The following ITGA11 variants were observed in gnomAD, a reference collection of about 807,000 sequenced individuals.
ITGA11 encodes integrin alpha-11.
In ITGA11, 97 loss-of-function variants were observed where a neutral mutation model predicts 141.9. The ratio of observed to expected loss-of-function variants is 0.68; its 90% confidence interval spans 0.58 to 0.81. ITGA11 has a LOEUF of 0.81. Ranked by LOEUF, ITGA11 falls within the 30% of genes least tolerant of loss-of-function variation. ITGA11 has a pLI of 0.00. For missense variants in ITGA11, 1,387 were observed against 1,559.2 expected (o/e 0.89, Z 1.86); for synonymous variants, 658 against 624.6 (o/e 1.05, Z -0.80).
At chr15:68,414,038 C>G (rs2140427896) in intron 1 of ITGA11, among the ~76,000 whole-genome samples, 1 of 152,288 alleles carries the variant, frequency 6.6e-6, no homozygotes, top group African/African-American at 2.4e-5. Flanking sequence ...ACCCAGATGT[C>G]AGAAAGACAG....
chr15:68,315,565 G>C, intron 22 of ITGA11, 86 bp downstream of exon 22: 1 of 1,119,936 alleles, frequency 8.9e-7, no homozygotes, highest in South Asian at 1.3e-5. Context: ...AGCGGACTCA[G>C]TGTCGGGAGG....
rs1893159757 is a variant in ITGA11, at chr15:68,305,399, A to C, written c.3382-1514T>G. 6.6e-6 allele frequency among the ~76,000 whole-genome samples: 1 copy of C among 152,080 alleles called. No individual in the cohort carries two copies. The highest frequency in any genetic ancestry group is 1.5e-5 in the Non-Finnish European group (1 of 68,020). ...TCACCAGTTGATAACGTTTATATTT[A>C]TGTTTATTGCCTGCCTGGAATGTCA... On this transcript the variant is annotated intron_variant, in intron 28 of 29. Transcript: ENST00000315757. The surrounding 1 kb of genome is among the most constrained non-coding windows in gnomAD (Gnocchi z 4.6).
At chr15:68,368,644 G>A (rs771253313) in intron 3 of ITGA11, among the ~76,000 whole-genome samples, 22 of 152,196 alleles carry the variant, frequency 1.4e-4, no homozygotes, top group Non-Finnish European at 2.9e-4. Flanking sequence ...TGAACTGGAC[G>A]CCAAGCCCTG....
intron 2 of ITGA11, among the ~76,000 whole-genome samples, chr15:68,395,538 C>T (rs1896211619): frequency 6.7e-6 from 1 of 150,034 alleles, no homozygotes; most frequent in South Asian, 2.2e-4. Context: ...GCATGTGCAG[C>T]TTCAGTAGCT....
chr15:68,320,127 G>C, intron 20 of ITGA11, 58 bp downstream of exon 20: 2 of 1,475,670 alleles, frequency 1.4e-6, no homozygotes, highest in Non-Finnish European at 1.9e-6. Flanking sequence ...AGCCCACCTG[G>C]CCTTCCTTTT....
rs928199117 is a variant in ITGA11 at position 68,299,798 on chromosome 15, A to C, written c.*3261T>G. 4.6e-5 allele frequency: 7 copies of C among 152,216 alleles called. No homozygotes were observed. Among genetic ancestry groups the C allele is most frequent in the African/African-American group, 1.7e-4 (7 of 41,440 alleles). 9.4% of individuals were successfully genotyped at this position (152,216 alleles called of 1,614,324 possible). ...ATTTATCTTGTGAAGACCTCTAGGG[A>C]TGGAAAGGTCCACACTGTCTCCTAG... On this transcript the variant is annotated 3_prime_UTR_variant, in exon 30 of 30. Coordinates refer to ENST00000315757, the MANE Select transcript of ITGA11 (RefSeq NM_001004439.2).
chr15:68,336,021 G>A, intron 11 of ITGA11, 176 bp from the exon 12 acceptor site: 1 of 717,192 alleles, frequency 1.4e-6, no homozygotes, highest in Admixed American at 2.6e-5. Context: ...GGGGAGGCCT[G>A]GAAGAGGCAG....
At chr15:68,352,948 G>C (rs1894960853) in intron 7 of ITGA11, among the ~76,000 whole-genome samples, 1 of 152,158 alleles carries the variant, frequency 6.6e-6, no homozygotes, top group Non-Finnish European at 1.5e-5. Context: ...GTATAGACAT[G>C]GTCTCACCGA....
intron 1 of ITGA11, among the ~76,000 whole-genome samples, chr15:68,412,347 G>A (rs557649852): frequency 2.6e-4 from 39 of 152,288 alleles, no homozygotes; most frequent in Admixed American, 1.6e-3. Flanking sequence ...GGCCTACCCT[G>A]TCAGGGAGAA....
chr15:68,308,186 G>T lies in ITGA11; in HGVS notation c.3175-490C>A, dbSNP rs1352451169. On this transcript the variant is annotated intron_variant, in intron 26 of 29. Transcript: ENST00000315757. This position sits in a 1 kb window ranked among gnomAD's most constrained non-coding sequence, Gnocchi z 5.2. ...ATGCATGGATTCCAAAACTTTTTTT[G>T]CCCCAAAATAAACTCGTATTAACTT... Among the ~76,000 whole-genome samples, 1 of 151,912 alleles carries T rather than the reference G, an allele frequency of 6.6e-6. No homozygotes were observed. The highest frequency in any genetic ancestry group is 1.5e-5 in the Non-Finnish European group (1 of 67,956).
At chr15:68,431,443 C>T (rs1384841746) in intron 1 of ITGA11, among the ~76,000 whole-genome samples, 3 of 152,222 alleles carry the variant, frequency 2.0e-5, no homozygotes, top group Admixed American at 6.5e-5. Context: ...CGAGAGCTAG[C>T]CCCCGCCTAC....
intron 1 of ITGA11, among the ~76,000 whole-genome samples, chr15:68,405,046 C>G (rs374299761): frequency 2.6e-5 from 4 of 152,130 alleles, no homozygotes; most frequent in Admixed American, 6.5e-5. Flanking sequence ...GAGTGCGCCA[C>G]TCTCCTTCCC....
intron 2 of ITGA11, among the ~76,000 whole-genome samples, chr15:68,397,852 C>G (rs1896361353): frequency 7.0e-6 from 1 of 142,762 alleles, no homozygotes; most frequent in South Asian, 2.1e-4. Flanking sequence ...TTTATTATAA[C>G]ATTCTTAAAG....
intron 7 of ITGA11, among the ~76,000 whole-genome samples, chr15:68,354,215 T>G (rs538289386): frequency 3.3e-5 from 5 of 152,240 alleles, no homozygotes; most frequent in African/African-American, 1.2e-4. Context: ...GAATGTCAGC[T>G]CACGATGGCA....
intron 1 of ITGA11, among the ~76,000 whole-genome samples, chr15:68,413,686 C>G (rs752325505): frequency 2.0e-5 from 3 of 152,150 alleles, no homozygotes; most frequent in Non-Finnish European, 4.4e-5. Flanking sequence ...GAAGACCCAC[C>G]ACGGCACATG....
In ITGA11 at chr15:68,307,159, C is replaced by T. The variant is rs959941808; in HGVS notation, c.3381+189G>A. Among the ~76,000 whole-genome samples, 2 of 152,232 alleles carry T rather than the reference C, an allele frequency of 1.3e-5. No homozygotes were observed. Among genetic ancestry groups the T allele is most frequent in the African/African-American group, 4.8e-5 (2 of 41,454 alleles). On this transcript the variant is annotated intron_variant, in intron 28 of 29. Transcript: ENST00000315757. The surrounding 1 kb of genome is among the most constrained non-coding windows in gnomAD (Gnocchi z 6.1). ...GACCTCTGGACCTTCCCTAGTGTTGCCCCTGAGGCTTTGTCTTGCTTTTTT... is the reference window on the plus strand; with the variant it reads ...GACCTCTGGACCTTCCCTAGTGTTGTCCCTGAGGCTTTGTCTTGCTTTTTT...
rs1441649802 is a variant in ITGA11, at chr15:68,350,684, A to G, written c.993T>C (p.Asn331=). ...CCTTCAAGGCAGCCTCATCAGTGAC[A>G]TTGAAGAAGTGCTTGTCATCAGGGT... is the stretch of plus-strand genomic sequence containing the variant. ...ASDPDDKHFF[N]VTDEAALKDI... The change falls in exon 9 of 30, where the codon AAT becomes AAC. Residue 331 remains asparagine (N), a synonymous_variant. Coordinates refer to ENST00000315757, the MANE Select transcript of ITGA11 (RefSeq NM_001004439.2). 3.1e-6 allele frequency: 5 copies of G among 1,613,884 alleles called. No homozygotes were observed. The South Asian group carries it at 5.5e-5, about 18-fold the overall frequency.
In ITGA11 at chr15:68,321,582, T is replaced by C. The variant is rs1043433148; in HGVS notation, c.2323-79A>G. 4.9e-6 allele frequency: 4 copies of C among 822,952 alleles called. No homozygotes were observed. Among genetic ancestry groups the C allele is most frequent in the Non-Finnish European group, 7.6e-6 (4 of 528,146 alleles). 51.0% of individuals were successfully genotyped at this position (822,952 alleles called of 1,614,324 possible). On this transcript the variant is annotated intron_variant, in intron 18 of 29. Coordinates refer to ENST00000315757, the MANE Select transcript of ITGA11 (RefSeq NM_001004439.2). This position sits in a 1 kb window ranked among gnomAD's most constrained non-coding sequence, Gnocchi z 4.9. ...GCCCTCAATGTACACCAGCTCTGTC[T>C]CCACCACACTAGACATGGGCTGGCT...
At position 68,357,194 on chromosome 15, in the gene ITGA11, C is replaced by T. The variant is rs1248318658; in HGVS notation, c.706G>A (p.Gly236Arg). ...AATGCCGTCCGGGTCTCTGTTCCTCCTCTCTGCTCAATGTGGCTGGCAGCT... is the reference window on the plus strand; with the variant it reads ...AATGCCGTCCGGGTCTCTGTTCCTCTTCTCTGCTCAATGTGGCTGGCAGCT... Reference protein sequence around the residue: ...VEAASHIEQRGGTETRTAFGI... With the variant: ...VEAASHIEQRRGTETRTAFGI... Residue 236 changes from glycine (G) to arginine (R), a missense_variant, in exon 7 of 30, where the codon GGA becomes AGA. Physicochemically the swap from Gly to Arg is moderately radical, Grantham distance 125 (BLOSUM62 -2). Coordinates refer to ENST00000315757, the MANE Select transcript of ITGA11 (RefSeq NM_001004439.2). The T allele has an allele frequency of 6.2e-7, 1 of 1,613,792 alleles. No homozygotes were observed. The highest frequency in any genetic ancestry group is 2.2e-5 in the East Asian group (1 of 44,892).
Sources: allele counts gnomAD v4.1 joint callset (sites outside exome capture counted in the v4.1 genomes callset), GRCh38; gene constraint gnomAD v4.1.1; non-coding constraint Gnocchi (gnomAD v3.1); transcripts MANE v1.5; gene names NCBI Gene and HGNC (gene_info 2026-07-23, HGNC 2026-07-21).